Variants in MCTP1 observed in about 807,000 individuals in gnomAD.
MCTP1 encodes multiple C2 and transmembrane domain-containing protein 1.
MCTP1 carries 69 observed loss-of-function variants against 120.6 expected under a neutral mutation model. That is an observed-to-expected ratio of 0.57 (90% CI 0.47 to 0.70). The LOEUF (loss-of-function observed/expected upper bound fraction) is 0.70, where lower values mean the gene tolerates loss of function less well. Ranked by LOEUF, MCTP1 falls within the 30% of genes least tolerant of loss-of-function variation. The probability of loss-of-function intolerance (pLI) is 0.00; values close to 1 mark genes in which losing one functional copy is unlikely to be tolerated. For missense variants in MCTP1, 1,203 were observed against 1,248.8 expected (o/e 0.96, Z 0.55); for synonymous variants, 529 against 493.1 (o/e 1.07, Z -0.96).
At chr5:94,914,361 C>T (rs1010718142) in intron 8 of MCTP1, among the ~76,000 whole-genome samples, 1 of 152,154 alleles carries the variant, frequency 6.6e-6, no homozygotes, top group African/African-American at 2.4e-5. Context: ...ACTCTGCCTC[C>T]CACTTTGACT....
chr5:94,826,666 C>T (rs1314056897), intron 17 of MCTP1: 1 of 698,900 alleles, frequency 1.4e-6, no homozygotes, highest in African/African-American at 1.8e-5. Flanking sequence ...CAGCAGGAAC[C>T]TTCTCTTCTT....
intron 2 of MCTP1, among the ~76,000 whole-genome samples, chr5:95,012,840 T>G (rs754930673): frequency 6.6e-6 from 1 of 152,092 alleles, no homozygotes; most frequent in Admixed American, 6.6e-5. Flanking sequence ...GGCCCATCAA[T>G]AACCCTACAA....
At chr5:94,988,064 G>C (rs1327924653) in intron 2 of MCTP1, among the ~76,000 whole-genome samples, 1 of 151,908 alleles carries the variant, frequency 6.6e-6, no homozygotes, top group Non-Finnish European at 1.5e-5. Flanking sequence ...TATGGAAGCA[G>C]AATGATCACA....
chr5:94,957,523 C>T (rs916442385), intron 2 of MCTP1, among the ~76,000 whole-genome samples: 10 of 151,772 alleles, frequency 6.6e-5, no homozygotes, highest in African/African-American at 1.5e-4. Context: ...ACCCATCTCA[C>T]GTGCAAAGAC....
At chr5:95,086,078 T>C (rs949292371) in intron 1 of MCTP1, among the ~76,000 whole-genome samples, 9 of 152,152 alleles carry the variant, frequency 5.9e-5, no homozygotes, top group Non-Finnish European at 1.2e-4. Flanking sequence ...AAATTTATTT[T>C]TTTCTGTTAT....
chr5:95,085,247 CT>C (rs1755338296), intron 1 of MCTP1, among the ~76,000 whole-genome samples: 1 of 152,028 alleles, frequency 6.6e-6, no homozygotes, highest in African/African-American at 2.4e-5. Context: ...CCTGAGTTGG[CT>C]TATATCATTA....
chr5:94,911,632 G>C (rs370671805), intron 9 of MCTP1, among the ~76,000 whole-genome samples: 1 of 152,098 alleles, frequency 6.6e-6, no homozygotes, highest in East Asian at 1.9e-4. Flanking sequence ...TGCAGAACTG[G>C]GAGTCAGTTA....
intron 17 of MCTP1, among the ~76,000 whole-genome samples, chr5:94,810,987 T>C (rs1217114275): frequency 1.3e-5 from 2 of 152,202 alleles, no homozygotes; most frequent in African/African-American, 2.4e-5. Context: ...TCAGCTATCA[T>C]TTACTAGCTT....
intron 1 of MCTP1, among the ~76,000 whole-genome samples, chr5:95,202,179 G>T (rs1751139035): frequency 6.6e-6 from 1 of 152,146 alleles, no homozygotes; most frequent in Non-Finnish European, 1.5e-5. Flanking sequence ...AGGCAGAAAA[G>T]AGGCCATTTC....
At chr5:94,873,555 T>G (rs1798221775) in intron 12 of MCTP1, among the ~76,000 whole-genome samples, 1 of 151,996 alleles carries the variant, frequency 6.6e-6, no homozygotes, top group South Asian at 2.1e-4. Flanking sequence ...ATGGAGAATG[T>G]GATGCATGTC....
chr5:95,022,474 T>G (rs1398797856), intron 1 of MCTP1, among the ~76,000 whole-genome samples: 1 of 152,178 alleles, frequency 6.6e-6, no homozygotes, highest in Admixed American at 6.6e-5. Flanking sequence ...CCACATTCTA[T>G]CTCAAATGTC....
intron 1 of MCTP1, among the ~76,000 whole-genome samples, chr5:95,110,564 T>C (rs1283025034): frequency 6.6e-6 from 1 of 152,146 alleles, no homozygotes; most frequent in Non-Finnish European, 1.5e-5. Context: ...CTCCTGAAAT[T>C]GTGGGGTTTA....
intron 2 of MCTP1, among the ~76,000 whole-genome samples, chr5:94,968,132 C>T (rs1324822624): frequency 2.0e-5 from 3 of 152,056 alleles, no homozygotes; most frequent in African/African-American, 2.4e-5. Context: ...AACTAATGCA[C>T]TAATCTATGT....
At chr5:95,171,816 C>T (rs1373056161) in intron 1 of MCTP1, among the ~76,000 whole-genome samples, 1 of 150,562 alleles carries the variant, frequency 6.6e-6, no homozygotes, top group East Asian at 1.9e-4. Context: ...TTCATCTCAT[C>T]TTTTTTCAAG....
At chr5:94,783,654 T>C (rs1561629947) in intron 18 of MCTP1, among the ~76,000 whole-genome samples, 1 of 152,114 alleles carries the variant, frequency 6.6e-6, no homozygotes, top group South Asian at 2.1e-4. Flanking sequence ...AAAATCATTA[T>C]GGGATAGTGG....
chr5:95,174,797 T>A (rs1034570185), intron 1 of MCTP1, among the ~76,000 whole-genome samples: 5 of 152,212 alleles, frequency 3.3e-5, no homozygotes, highest in African/African-American at 1.2e-4. Flanking sequence ...TATTTTTAAT[T>A]ATTCTAAAAT....
chr5:94,795,577 A>G (rs1335562431), intron 18 of MCTP1, among the ~76,000 whole-genome samples: 3 of 152,346 alleles, frequency 2.0e-5, no homozygotes, highest in African/African-American at 7.2e-5. Context: ...CAGAAGGATG[A>G]CATTCCTATC....
At chr5:94,728,910 T>C (rs558323835) in intron 19 of MCTP1, among the ~76,000 whole-genome samples, 2 of 152,314 alleles carry the variant, frequency 1.3e-5, no homozygotes, top group South Asian at 4.1e-4. Flanking sequence ...AAATATTTAT[T>C]GAACACCAAC....
chr5:94,928,788 A>AT (rs995230093), intron 6 of MCTP1, among the ~76,000 whole-genome samples: 2 of 152,022 alleles, frequency 1.3e-5, no homozygotes, highest in African/African-American at 4.8e-5. Flanking sequence ...GTTTAGATGC[A>AT]TTTTTTTCCT....
Sources: gnomAD v4.1 joint callset for allele counts (sites outside exome capture counted in the v4.1 genomes callset) on GRCh38, gnomAD v4.1.1 for gene constraint, MANE v1.5 for transcripts, NCBI Gene and HGNC (gene_info 2026-07-23, HGNC 2026-07-21) for gene names.